TJP1: variants seen among roughly 807,000 people sequenced by gnomAD.
TJP1 encodes tight junction protein 1.
A neutral mutation model predicts 194.2 loss-of-function variants in TJP1; 43 were observed. That is an observed-to-expected ratio of 0.22 (90% confidence interval 0.17 to 0.29). TJP1 has a LOEUF of 0.29. Among genes scored for constraint, TJP1 ranks in the 10% least tolerant of loss-of-function variants. TJP1 has a pLI of 1.00. For missense variants in TJP1, 1,971 were observed against 2,185.7 expected, an observed-to-expected ratio of 0.90 and a Z score of 1.96; for synonymous variants, 801 against 779.0, an observed-to-expected ratio of 1.03 and a Z score of -0.47.
intron 2 of TJP1, among the ~76,000 whole-genome samples, chr15:29,894,316 G>T (rs2053408677): frequency 6.6e-6 from 1 of 152,114 alleles, no homozygotes. Context: ...AAAATTGGCT[G>T]GATGTGGTGG....
chr15:29,824,750 A>G (rs529628779), upstream of TJP1, among the ~76,000 whole-genome samples: 10 of 152,324 alleles, frequency 6.6e-5, no homozygotes, highest in Middle Eastern at 3.4e-3. Context: ...ACCTAAATCT[A>G]GAGACACTAT....
intron 1 of TJP1, among the ~76,000 whole-genome samples, chr15:29,812,666 T>G (rs961131133): frequency 2.0e-5 from 3 of 152,220 alleles, no homozygotes; most frequent in Non-Finnish European, 2.9e-5. Context: ...TTATAGAACA[T>G]GTAAGTAGAT....
chr15:29,765,652 A>C (rs1439574724), intron 5 of TJP1, among the ~76,000 whole-genome samples: 1 of 152,152 alleles, frequency 6.6e-6, no homozygotes. Context: ...GCACTGTGGG[A>C]GGCCGAGGCA....
At chr15:29,717,261 A>C (rs927720104) in intron 22 of TJP1, among the ~76,000 whole-genome samples, 2 of 152,340 alleles carry the variant, frequency 1.3e-5, no homozygotes, top group African/African-American at 4.8e-5. Context: ...AATGATTCTC[A>C]TATGAACAAA....
At chr15:29,728,966 T>C (rs2043418500) in intron 15 of TJP1, 2 of 152,164 alleles carry the variant, frequency 1.3e-5, no homozygotes, top group African/African-American at 2.4e-5. Context: ...TCAAAGAAGA[T>C]ATAAAACTAA....
At chr15:29,911,381 G>A (rs1040452329) in intron 2 of TJP1, among the ~76,000 whole-genome samples, 1 of 152,144 alleles carries the variant, frequency 6.6e-6, no homozygotes, top group Non-Finnish European at 1.5e-5. Flanking sequence ...AAATAAGAAG[G>A]GGGAATGTAC....
chr15:29,787,908 C>T (rs1466756259), intron 2 of TJP1, among the ~76,000 whole-genome samples: 1 of 152,176 alleles, frequency 6.6e-6, no homozygotes, highest in Non-Finnish European at 1.5e-5. Context: ...TTTTCTACAG[C>T]AGCTGCACCA....
intron 2 of TJP1, among the ~76,000 whole-genome samples, chr15:29,908,468 T>C (rs921810513): frequency 3.9e-5 from 6 of 152,276 alleles, no homozygotes; most frequent in Admixed American, 1.3e-4. Flanking sequence ...TATAAAGACA[T>C]TCTCAGTCAT....
Position 29,800,717 on chromosome 15 carries a change from G to A in TJP1, c.28-15C>T, listed in dbSNP as rs745909888. On this transcript the variant is annotated splice_polypyrimidine_tract_variant and intron_variant, in intron 1 of 27. Coordinates refer to ENST00000614355, the MANE Select transcript of TJP1 (RefSeq NM_001330239.4). ...ATTGCTGTGCTCTGATAAAGGAAAA[G>A]AAAAACAAATCATTTACCTTTTAAG... is the stretch of plus-strand genomic sequence containing the variant. 6.8e-6 allele frequency: 11 copies of A among 1,611,942 alleles called. No homozygotes were observed. The African/African-American group carries it at 1.3e-4, about 20-fold the overall frequency.
chr15:29,941,990 C>G (rs560003317), intron 2 of TJP1, among the ~76,000 whole-genome samples: 1 of 152,228 alleles, frequency 6.6e-6, no homozygotes, highest in Admixed American at 6.5e-5. Context: ...TCTCCATGCC[C>G]GCCCACCAGA....
rs1345415607 is a variant in TJP1 at position 29,719,124 on chromosome 15, A to T, written c.3018T>A (p.Asp1006Glu). 10 of 1,611,190 alleles carry T rather than the reference A, an allele frequency of 6.2e-6. No individual in the cohort carries two copies. Among genetic ancestry groups the T allele is most frequent in the Non-Finnish European group, 8.5e-6 (10 of 1,179,084 alleles). ...HVDPTKVYRK[D>E]PYPEEMMRQN... ...GCCTCATCATTTCCTCGGGATATGGATCCTTTCTATACACCTGTATAAAAA... is the reference window on the plus strand; with the variant it reads ...GCCTCATCATTTCCTCGGGATATGGTTCCTTTCTATACACCTGTATAAAAA... The change falls in exon 21 of 28, where the codon GAT (aspartate) becomes GAA (glutamate). Residue 1006 changes from aspartate to glutamate, a missense_variant. Around this residue, in one of 5 missense-constraint regions of TJP1, gnomAD observed 1,108 missense variants for 1,128.5 expected, o/e 0.98. Transcript: ENST00000614355.
intron 16 of TJP1, 61 bp downstream of exon 16, chr15:29,727,876 A>T (rs2043339985): frequency 2.8e-6 from 4 of 1,428,680 alleles, no homozygotes; most frequent in Middle Eastern, 1.9e-4. Context: ...AAATTAACCA[A>T]ATCCCATCCC....
intron 2 of TJP1, among the ~76,000 whole-genome samples, chr15:29,836,069 C>G (rs1372046243): frequency 6.6e-6 from 1 of 152,128 alleles, no homozygotes; most frequent in Admixed American, 6.5e-5. Context: ...TAACTTGTGG[C>G]ACTAAATCCA....
At chr15:29,884,993 T>G (rs2053067051) in intron 2 of TJP1, among the ~76,000 whole-genome samples, 1 of 152,190 alleles carries the variant, frequency 6.6e-6, no homozygotes, top group African/African-American at 2.4e-5. Context: ...TAAAGGCTTC[T>G]GTCATCCTGG....
At chr15:29,828,297 T>C (rs1259893206) in intron 2 of TJP1, among the ~76,000 whole-genome samples, 1 of 152,174 alleles carries the variant, frequency 6.6e-6, no homozygotes, top group Non-Finnish European at 1.5e-5. Context: ...ATAATGAAAA[T>C]CTGCTTCATC....
chr15:29,846,454 C>T (rs567997441), intron 2 of TJP1, among the ~76,000 whole-genome samples: 1 of 152,170 alleles, frequency 6.6e-6, no homozygotes, highest in South Asian at 2.1e-4. Flanking sequence ...GATTTGATAT[C>T]AGGGAGTTAC....
At chr15:29,748,633 C>T (rs1347765088) in intron 8 of TJP1, among the ~76,000 whole-genome samples, 3 of 125,840 alleles carry the variant, frequency 2.4e-5, no homozygotes, top group African/African-American at 9.2e-5. Flanking sequence ...AGTGCAGTGG[C>T]ACAATCATAC....
At chr15:29,871,598 C>G (rs368673757) in intron 2 of TJP1, among the ~76,000 whole-genome samples, 2 of 152,228 alleles carry the variant, frequency 1.3e-5, no homozygotes. Context: ...GCGTTAGTCA[C>G]GTAGGAGACG....
chr15:29,888,836 A>G (rs1332648763), intron 2 of TJP1, among the ~76,000 whole-genome samples: 1 of 152,212 alleles, frequency 6.6e-6, no homozygotes, highest in Non-Finnish European at 1.5e-5. Context: ...TGCAGCACAG[A>G]GGAATGCGGG....
Sources: gnomAD v4.1 joint callset for allele counts (sites outside exome capture counted in the v4.1 genomes callset) on GRCh38, gnomAD v4.1.1 for gene constraint, gnomAD v4.1.1 regional missense constraint, MANE v1.5 for transcripts, NCBI Gene and HGNC (gene_info 2026-07-23, HGNC 2026-07-21) for gene names.